Variants in SYCP2 observed in about 807,000 individuals in gnomAD.
The protein encoded by SYCP2 is synaptonemal complex protein 2.
A neutral mutation model predicts 211.3 loss-of-function variants in SYCP2; 55 were observed. That is an observed-to-expected ratio of 0.26 (90% CI 0.21 to 0.33). The LOEUF (loss-of-function observed/expected upper bound fraction) is 0.33. SYCP2 is among the 10% of genes least tolerant of loss of function. The pLI, the probability that SYCP2 is intolerant of heterozygous loss-of-function variation, is 1.00. For missense variants in SYCP2, 1,731 were observed against 1,752.0 expected, an observed-to-expected ratio of 0.99 and a Z score of 0.21; for synonymous variants, 570 against 555.2, an observed-to-expected ratio of 1.03 and a Z score of -0.37.
At chr20:59,864,790 G>C (rs923821163) in intron 44 of SYCP2, among the ~76,000 whole-genome samples, 11 of 151,988 alleles carry the variant, frequency 7.2e-5, no homozygotes, top group African/African-American at 2.7e-4. Context: ...TTCTATCTTT[G>C]TAAGTACATT....
chr20:59,907,514 G>C (rs35098779), intron 14 of SYCP2, 90 bp from the exon 15 acceptor site: 30,363 of 1,080,174 alleles, frequency 0.028, 505 homozygotes, highest in Middle Eastern at 0.041. Flanking sequence ...CAGGAACTAT[G>C]AATTCTTTTT....
Position 59,920,407 on chromosome 20 carries a change from C to T in SYCP2, c.249G>A (p.Leu83=), listed in dbSNP as rs774324923. The change falls in exon 5 of 45, where the codon TTG becomes TTA. Residue 83 remains leucine (L), a synonymous_variant. Transcript: ENST00000357552. The part of the protein sequence containing the change: ...VGRCGKNISV[L]GQAGLLTMIK... ...TCATCGTTAGAAGTCCAGCTTGCCC[C>T]AATACACTGATATTTTTGCCACATC... 11 of 1,610,016 alleles carry T rather than the reference C, an allele frequency of 6.8e-6. No individual in the cohort carries two copies. Among genetic ancestry groups the T allele is most frequent in the Non-Finnish European group, 9.3e-6 (11 of 1,177,434 alleles).
intron 30 of SYCP2, 87 bp from the exon 31 acceptor site, chr20:59,880,558 CA>C (rs371146363): frequency 2.7e-4 from 180 of 656,442 alleles, no homozygotes; most frequent in Middle Eastern, 4.4e-4. Flanking sequence ...ACAACAACAA[CA>C]AAAAAAAACA....
chr20:59,869,655 A>G, intron 36 of SYCP2, 143 bp downstream of exon 36: 1 of 512,860 alleles, frequency 1.9e-6, no homozygotes, highest in Non-Finnish European at 3.4e-6. Flanking sequence ...AAGCCATTCT[A>G]TATACTTTAA....
intron 33 of SYCP2, 129 bp downstream of exon 33, chr20:59,877,256 T>C (rs1194195461): frequency 2.0e-5 from 14 of 709,498 alleles, no homozygotes; most frequent in Non-Finnish European, 2.8e-5. Context: ...CTAGAATTAT[T>C]ATTTAAGTTT....
chr20:59,896,518 G>A lies in SYCP2; in HGVS notation c.1415C>T (p.Pro472Leu). 1 of 1,603,624 alleles carries A rather than the reference G, an allele frequency of 6.2e-7. No individual in the cohort carries two copies. The highest frequency in any genetic ancestry group is 8.5e-7 in the Non-Finnish European group (1 of 1,172,248). The change falls in exon 19 of 45, where the codon CCT becomes CTT. Residue 472 changes from proline to leucine, a missense_variant. Coordinates refer to ENST00000357552, the MANE Select transcript of SYCP2 (RefSeq NM_014258.4). Reference sequence around the variant, plus strand: ...TGCTTCAGACATTTTTCTTTTGCTAGGAGTAGTTTTCTGAAACCACGATGA... The same window carrying A: ...TGCTTCAGACATTTTTCTTTTGCTAAGAGTAGTTTTCTGAAACCACGATGA... ...RNNSQLEKTT[P>L]SKRKMSEASM...
intron 2 of SYCP2, among the ~76,000 whole-genome samples, chr20:59,928,850 A>C (rs186065569): frequency 1.4e-4 from 21 of 152,294 alleles, no homozygotes; most frequent in Admixed American, 1.2e-3. Context: ...AAATGTTTAT[A>C]AACTATTAGC....
At chr20:59,915,110 C>A (rs2060412049) in intron 10 of SYCP2, 55 bp downstream of exon 10, 3 of 1,078,304 alleles carry the variant, frequency 2.8e-6, no homozygotes, top group Non-Finnish European at 4.3e-6. Flanking sequence ...TAAAAAGATA[C>A]TATCTGCTAT....
At chr20:59,868,268 A>T in intron 38 of SYCP2, 145 bp downstream of exon 38, 1 of 793,012 alleles carries the variant, frequency 1.3e-6, no homozygotes, top group Admixed American at 2.7e-5. Context: ...TATTCATATA[A>T]ATGTGAACTT....
rs192941442 is a variant in SYCP2 at position 59,907,952 on chromosome 20, A to G, written c.973-528T>C. ...AATTCACAAAGTTATAGTAAAAATT[A>G]AATACCATTCCTGGCCAGGCACGGT... On this transcript the variant is annotated intron_variant, in intron 14 of 44. Transcript: ENST00000357552. 1.3e-3 allele frequency among the ~76,000 whole-genome samples: 204 copies of G among 152,350 alleles called. 1 individual carries two copies. Among genetic ancestry groups the G allele is most frequent in the Non-Finnish European group, 2.5e-3 (168 of 68,034 alleles).
chr20:59,866,266 A>AC (rs1452556964), intron 41 of SYCP2, 27 bp downstream of exon 41: 1 of 1,464,624 alleles, frequency 6.8e-7, no homozygotes, highest in Non-Finnish European at 9.3e-7. Flanking sequence ...TTTTAAACTT[A>AC]TTTAAAAAAT....
chr20:59,878,584 T>G (rs1568919679), intron 31 of SYCP2, among the ~76,000 whole-genome samples: 1 of 152,148 alleles, frequency 6.6e-6, no homozygotes, highest in Non-Finnish European at 1.5e-5. Flanking sequence ...TGCTCTCTTA[T>G]ACCATCCTCC....
chr20:59,879,726 T>C (rs551438855), intron 31 of SYCP2, among the ~76,000 whole-genome samples: 146 of 150,076 alleles, frequency 9.7e-4, no homozygotes, highest in African/African-American at 3.3e-3. Flanking sequence ...AGAAAATTGT[T>C]TTCCTTTTGA....
Position 59,891,921 on chromosome 20 carries a change from C to A in SYCP2, c.2364+69G>T, listed in dbSNP as rs1174333390. 9.8e-6 allele frequency: 13 copies of A among 1,332,680 alleles called. No homozygotes were observed. In the Middle Eastern group the frequency reaches 8.1e-4, roughly 83 times the overall value. The allele number at this position is 1,332,680 out of a possible 1,614,324, so 82.6% of individuals were successfully genotyped here. On this transcript the variant is annotated intron_variant, in intron 24 of 44. Coordinates refer to ENST00000357552, the MANE Select transcript of SYCP2 (RefSeq NM_014258.4). ...AAATGTGTAGCAATTAATCAAGTTT[C>A]TTTCTTTCTTATGTTATCAAGTAGG...
intron 20 of SYCP2, among the ~76,000 whole-genome samples, chr20:59,893,950 A>G (rs778965337): frequency 6.6e-6 from 1 of 151,898 alleles, no homozygotes; most frequent in Non-Finnish European, 1.5e-5. Context: ...GATATGGTCC[A>G]TTCTTTCTTT....
intron 41 of SYCP2, 70 bp from the exon 42 acceptor site, chr20:59,865,935 T>C (rs1437790232): frequency 6.1e-6 from 4 of 655,684 alleles, no homozygotes; most frequent in Non-Finnish European, 9.6e-6. Flanking sequence ...AGTTAAACTT[T>C]AATATGATTA....
chr20:59,874,193 G>C, intron 34 of SYCP2, 132 bp from the exon 35 acceptor site: 1 of 511,264 alleles, frequency 2.0e-6, no homozygotes, highest in Non-Finnish European at 3.3e-6. Context: ...AAAAAGGATA[G>C]CTTTAAAAAT....
chr20:59,883,087 A>T (rs2145684622), intron 26 of SYCP2, among the ~76,000 whole-genome samples: 1 of 152,232 alleles, frequency 6.6e-6, no homozygotes, highest in East Asian at 1.9e-4. Flanking sequence ...AGTGGCTTAC[A>T]CCTGTAACCC....
chr20:59,868,583 A>G lies in SYCP2; in HGVS notation c.3833-15T>C. 6.4e-7 allele frequency: 1 copy of G among 1,565,028 alleles called. No homozygotes were observed. Among genetic ancestry groups the G allele is most frequent in the Non-Finnish European group, 8.6e-7 (1 of 1,165,136 alleles). On this transcript the variant is annotated splice_polypyrimidine_tract_variant and intron_variant, in intron 37 of 44. Coordinates refer to ENST00000357552, the MANE Select transcript of SYCP2 (RefSeq NM_014258.4). ...TTGGGTGGGGCCTTAGGAACAGTTA[A>G]AGAAAGTTAAAAGCGCTGCAATTTT...
Sources: gnomAD v4.1 joint callset for allele counts (sites outside exome capture counted in the v4.1 genomes callset) on GRCh38, gnomAD v4.1.1 for gene constraint, MANE v1.5 for transcripts, NCBI Gene and HGNC (gene_info 2026-07-23, HGNC 2026-07-21) for gene names.